The following STK10 variants were observed in gnomAD, a reference collection of about 807,000 sequenced individuals.
STK10 encodes the protein serine/threonine-protein kinase 10.
In STK10, 78 loss-of-function variants were observed where a neutral mutation model predicts 113.8. The observed-to-expected ratio is 0.69, with a 90% CI of 0.57 to 0.83. The LOEUF (loss-of-function observed/expected upper bound fraction) is 0.83, where lower values mean the gene tolerates loss of function less well. Among genes scored for constraint, STK10 ranks in the 40% least tolerant of loss-of-function variants. The pLI is 0.00. For synonymous variants in STK10, 465 were observed against 494.7 expected, an observed-to-expected ratio of 0.94 and a Z score of 0.80; for missense variants, 1,109 against 1,280.1, an observed-to-expected ratio of 0.87 and a Z score of 2.04.
At chr5:172,137,326 C>T (rs946605610) in intron 2 of STK10, among the ~76,000 whole-genome samples, 1 of 152,012 alleles carries the variant, frequency 6.6e-6, no homozygotes, top group African/African-American at 2.4e-5. Context: ...ACTTGCGAAT[C>T]ATATTCAACT....
Position 172,153,001 on chromosome 5 carries a change from T to C in STK10, c.321+3623A>G, listed in dbSNP as rs906609440. ...GCTGTTAGAAATGTAAAATTATACA[T>C]ATAGGCCTGGTGCAGTGACTCATGC... On this transcript the variant is annotated intron_variant, in intron 2 of 18. Transcript: ENST00000176763. 7.9e-5 allele frequency among the ~76,000 whole-genome samples: 12 copies of C among 152,286 alleles called. No homozygotes were observed. In the East Asian group the frequency reaches 1.2e-3, roughly 15 times the overall value.
At chr5:172,154,058 C>T (rs1770297920) in intron 2 of STK10, among the ~76,000 whole-genome samples, 1 of 152,138 alleles carries the variant, frequency 6.6e-6, no homozygotes, top group Non-Finnish European at 1.5e-5. Flanking sequence ...GAATATGCCT[C>T]TCCCCTGCAA....
chr5:172,173,984 C>CA (rs1273259486), intron 1 of STK10, among the ~76,000 whole-genome samples: 3 of 152,158 alleles, frequency 2.0e-5, no homozygotes, highest in African/African-American at 7.2e-5. Context: ...ACACAGCCAA[C>CA]AGGCAGGGAA....
chr5:172,054,616 T>G lies in STK10; in HGVS notation c.2605A>C (p.Met869Leu), dbSNP rs751200838. 1.2e-6 allele frequency: 2 copies of G among 1,610,542 alleles called. No individual in the cohort carries two copies. The highest frequency in any genetic ancestry group is 1.1e-5 in the South Asian group (1 of 91,086). Residue 869 changes from methionine (M) to leucine (L), a missense_variant, in exon 17 of 19, where the codon ATG becomes CTG. By Grantham distance (15) the Met-to-Leu change is conservative (BLOSUM62 2). Transcript: ENST00000176763. ...QQKHENQMRD[M>L]LAQCESNMSE... ...ATGTTGCTCTCACACTGCGCCAGCATGTCCCGCATCTGGTTCTCGTGTTTC... is the reference window on the plus strand; with the variant it reads ...ATGTTGCTCTCACACTGCGCCAGCAGGTCCCGCATCTGGTTCTCGTGTTTC...
intron 10 of STK10, among the ~76,000 whole-genome samples, chr5:172,085,702 A>G (rs939790315): frequency 4.7e-5 from 7 of 150,456 alleles, no homozygotes; most frequent in Non-Finnish European, 8.8e-5. Flanking sequence ...AAAAAAAAAA[A>G]GAGAGAGAAA....
chr5:172,089,785 C>A (rs1248451245), intron 10 of STK10, among the ~76,000 whole-genome samples: 1 of 151,396 alleles, frequency 6.6e-6, no homozygotes, highest in African/African-American at 2.4e-5. Context: ...GGGTGAATGA[C>A]TGGGTGGATA....
intron 12 of STK10, among the ~76,000 whole-genome samples, chr5:172,076,006 T>G (rs995704896): frequency 5.1e-4 from 77 of 151,246 alleles, no homozygotes; most frequent in African/African-American, 1.8e-3. Flanking sequence ...TTTCAATTCT[T>G]GGATTTATTT....
Position 172,093,515 on chromosome 5 carries a change from T to C in STK10, c.1451A>G (p.Asp484Gly). ...AQAAPGPSKR[D>G]SDCSSLCTSE... is the part of the protein sequence containing the mutation. The stretch of plus-strand genomic sequence containing the variant: ...GGTGCAGAGGCTGCTGCAGTCCGAG[T>C]CCCTCTTGGAAGGCCCTGGAGCTGC... Residue 484 changes from aspartate (D) to glycine (G), a missense_variant, in exon 9 of 19, where the codon GAC becomes GGC. Around this residue, in one of 5 missense-constraint regions of STK10, gnomAD observed 885 missense variants for 991.1 expected, o/e 0.89. Transcript: ENST00000176763. This position sits in a 1 kb window ranked among gnomAD's most constrained non-coding sequence, Gnocchi z 4.1. 1 of 1,614,136 alleles carries C rather than the reference T, an allele frequency of 6.2e-7. No homozygotes were observed. Among genetic ancestry groups the C allele is most frequent in the Non-Finnish European group, 8.5e-7 (1 of 1,180,024 alleles).
chr5:172,164,209 T>A lies in STK10; in HGVS notation c.157-7421A>T, dbSNP rs945249623. Among the ~76,000 whole-genome samples, 132 of 81,190 alleles carry A rather than the reference T, an allele frequency of 1.6e-3. 2 individuals are homozygous for A. Among genetic ancestry groups the A allele is most frequent in the Non-Finnish European group, 4.8e-4 (21 of 43,542 alleles). The allele number at this position is 81,190 out of a possible 152,430, so 53.3% of individuals were successfully genotyped here. On this transcript the variant is annotated intron_variant, in intron 1 of 18. Coordinates refer to ENST00000176763, the MANE Select transcript of STK10 (RefSeq NM_005990.4). ...CCCGGGCAACAAGAGCGAAACTCCA[T>A]CTAAAAAAAAAAAAAAAAAAAAAAA...
chr5:172,088,451 G>C (rs990437292), intron 10 of STK10, among the ~76,000 whole-genome samples: 2 of 152,120 alleles, frequency 1.3e-5, no homozygotes, highest in Non-Finnish European at 2.9e-5. Flanking sequence ...TTGAACCCGG[G>C]AGGCAGAAGT....
chr5:172,056,726 T>C (rs13152863), intron 15 of STK10, among the ~76,000 whole-genome samples: 40,925 of 149,864 alleles, frequency 0.27, 5,995 homozygotes, highest in Middle Eastern at 0.38. Flanking sequence ...ATACAAAAAT[T>C]AGCCAGGCAT....
At chr5:172,149,222 C>G (rs894279195) in intron 2 of STK10, among the ~76,000 whole-genome samples, 17 of 152,204 alleles carry the variant, frequency 1.1e-4, no homozygotes, top group South Asian at 4.1e-4. Context: ...AGTCAGGAAA[C>G]AGCCCACCCG....
At chr5:172,170,450 G>A (rs982015424) in intron 1 of STK10, among the ~76,000 whole-genome samples, 4 of 152,130 alleles carry the variant, frequency 2.6e-5, no homozygotes, top group Non-Finnish European at 5.9e-5. Flanking sequence ...AACGACAAGT[G>A]AGATGGCCAA....
At chr5:172,062,542 A>T (rs1767958569) in intron 13 of STK10, among the ~76,000 whole-genome samples, 1 of 152,250 alleles carries the variant, frequency 6.6e-6, no homozygotes, top group Non-Finnish European at 1.5e-5. Flanking sequence ...TGTTATATCC[A>T]CACAATGGAA....
chr5:172,177,138 C>T (rs1334329067), intron 1 of STK10, among the ~76,000 whole-genome samples: 1 of 151,260 alleles, frequency 6.6e-6, no homozygotes, highest in Non-Finnish European at 1.5e-5. Flanking sequence ...GATCATGCCA[C>T]TGCACTCCAG....
At chr5:172,171,437 C>G (rs531636744) in intron 1 of STK10, among the ~76,000 whole-genome samples, 2 of 152,098 alleles carry the variant, frequency 1.3e-5, no homozygotes, top group Admixed American at 6.6e-5. Context: ...TCCTTGGCTG[C>G]GCATGGTGGC....
At chr5:172,101,958 G>C (rs1341498394) in intron 7 of STK10, among the ~76,000 whole-genome samples, 2 of 146,576 alleles carry the variant, frequency 1.4e-5, no homozygotes. Flanking sequence ...GGCGATGGGG[G>C]TCAGCAGGGT....
At chr5:172,177,800 G>C (rs34046889) in intron 1 of STK10, among the ~76,000 whole-genome samples, 65,918 of 151,986 alleles carry the variant, frequency 0.43, 17,156 homozygotes, top group African/African-American at 0.74. Flanking sequence ...TTAGCCCAGA[G>C]ACAGAAGGGA....
At chr5:172,181,968 T>C (rs1384036463) in intron 1 of STK10, among the ~76,000 whole-genome samples, 1 of 152,226 alleles carries the variant, frequency 6.6e-6, no homozygotes, top group African/African-American at 2.4e-5. Flanking sequence ...ATTGCTGCTA[T>C]TTGTTTGGTA....
Sources: allele counts gnomAD v4.1 joint callset (sites outside exome capture counted in the v4.1 genomes callset), GRCh38; gene constraint gnomAD v4.1.1; regional missense constraint gnomAD v4.1.1; non-coding constraint Gnocchi (gnomAD v3.1); transcripts MANE v1.5; gene names NCBI Gene and HGNC (gene_info 2026-07-23, HGNC 2026-07-21).